Variants in LARGE1 observed in about 807,000 individuals in gnomAD.
LARGE1 encodes the protein LARGE xylosyl- and glucuronyltransferase 1.
A neutral mutation model predicts 87.6 loss-of-function variants in LARGE1; 43 were observed. The ratio of observed to expected loss-of-function variants is 0.49; its 90% CI spans 0.38 to 0.63. The LOEUF is 0.63. Ranked by LOEUF, LARGE1 falls within the 30% of genes least tolerant of loss-of-function variation. LARGE1 has a pLI of 0.00. For synonymous variants in LARGE1, 434 were observed against 394.6 expected (o/e 1.10, Z -1.18); for missense variants, 802 against 1,000.2 (o/e 0.80, Z 2.67).
intron 1 of LARGE1, among the ~76,000 whole-genome samples, chr22:33,763,843 T>C (rs1326287810): frequency 2.2e-4 from 4 of 18,346 alleles, no homozygotes; most frequent in Non-Finnish European, 3.5e-4. Context: ...GTTTGCTTTT[T>C]TTTTTTTTTT....
intron 2 of LARGE1, among the ~76,000 whole-genome samples, chr22:33,712,749 A>G (rs556427235): frequency 2.6e-5 from 4 of 151,962 alleles, no homozygotes; most frequent in African/African-American, 9.7e-5. Flanking sequence ...CTAGTCTCTA[A>G]AAAAGAAAGC....
At chr22:33,269,741 C>A (rs183568358), downstream of LARGE1, among the ~76,000 whole-genome samples, 1 of 152,238 alleles carries the variant, frequency 6.6e-6, no homozygotes, top group African/African-American at 2.4e-5. Flanking sequence ...ACCGGTGGCT[C>A]ACGCCTGTAA....
At chr22:33,387,234 C>T (rs1474041019) in intron 7 of LARGE1, among the ~76,000 whole-genome samples, 1 of 146,294 alleles carries the variant, frequency 6.8e-6, no homozygotes. Context: ...AGACCAGCCC[C>T]GCCAACATGG....
intron 6 of LARGE1, among the ~76,000 whole-genome samples, chr22:33,521,650 C>T (rs1030691049): frequency 4.6e-5 from 7 of 152,270 alleles, no homozygotes; most frequent in East Asian, 1.9e-4. Flanking sequence ...TGAAAGTAAC[C>T]GATGTAGGCA....
intron 6 of LARGE1, among the ~76,000 whole-genome samples, chr22:33,564,418 T>G (rs1174057881): frequency 5.9e-5 from 9 of 152,164 alleles, no homozygotes; most frequent in Non-Finnish European, 1.3e-4. Flanking sequence ...CTTAAAATGA[T>G]AAACCACAAC....
the LARGE1 span, among the ~76,000 whole-genome samples, chr22:33,111,572 T>C: frequency 7.9e-5 from 12 of 151,866 alleles, no homozygotes; most frequent in African/African-American, 2.9e-4. Flanking sequence ...CACTGACAAT[T>C]CCCCCCGTCC....
At chr22:33,339,530 G>A (rs1158238532) in intron 9 of LARGE1, among the ~76,000 whole-genome samples, 1 of 152,106 alleles carries the variant, frequency 6.6e-6, no homozygotes, top group Non-Finnish European at 1.5e-5. Context: ...TAATGAAGAA[G>A]ATGCAAGTCG....
At chr22:33,225,602 T>C (rs1925693381) in intron 11 of LARGE1, among the ~76,000 whole-genome samples, 1 of 152,190 alleles carries the variant, frequency 6.6e-6, no homozygotes, top group Admixed American at 6.5e-5. Flanking sequence ...GGGGTACATG[T>C]GCAGGTTTGT....
At chr22:33,514,937 G>T (rs567168526) in intron 6 of LARGE1, among the ~76,000 whole-genome samples, 1 of 152,154 alleles carries the variant, frequency 6.6e-6, no homozygotes, top group Non-Finnish European at 1.5e-5. Flanking sequence ...TGTGTGAACA[G>T]CATGAACCAG....
At chr22:33,627,389 T>C (rs755913618) in intron 3 of LARGE1, among the ~76,000 whole-genome samples, 1 of 152,208 alleles carries the variant, frequency 6.6e-6, no homozygotes, top group Admixed American at 6.5e-5. Context: ...CAGCCTTCCT[T>C]GAATGGAAAC....
chr22:33,735,510 A>C (rs1029169104), intron 2 of LARGE1, among the ~76,000 whole-genome samples: 1 of 152,120 alleles, frequency 6.6e-6, no homozygotes, highest in Non-Finnish European at 1.5e-5. Flanking sequence ...TTCCTCCCCA[A>C]CAAAGGTATC....
intron 9 of LARGE1, among the ~76,000 whole-genome samples, chr22:33,350,979 A>G (rs920306259): frequency 1.3e-5 from 2 of 152,228 alleles, no homozygotes; most frequent in Non-Finnish European, 2.9e-5. Flanking sequence ...ATTTGGGTTC[A>G]TGAGTGCTAG....
intron 11 of LARGE1, among the ~76,000 whole-genome samples, chr22:33,305,838 C>CTTTTTTT (rs200366425): frequency 7.9e-5 from 10 of 126,484 alleles, no homozygotes; most frequent in African/African-American, 1.3e-4. Flanking sequence ...ATTTCTTTTT[C>CTTTTTTT]TTTTTCTTTT....
chr22:33,459,432 G>T lies in LARGE1; in HGVS notation c.788-27167C>A, dbSNP rs138973811. Among the ~76,000 whole-genome samples, 166 of 144,754 alleles carry T rather than the reference G, an allele frequency of 1.1e-3. 1 individual carries two copies. The highest frequency in any genetic ancestry group is 4.0e-3 in the African/African-American group (153 of 37,940). The allele number at this position is 144,754 out of a possible 152,430, so 95.0% of individuals were successfully genotyped here. ...CAGTAAAGTCAAACAAAGCTCGCTCGCTCTCTCTCTTTTTTTTTTTTTTTT... is the reference window on the plus strand; with the variant it reads ...CAGTAAAGTCAAACAAAGCTCGCTCTCTCTCTCTCTTTTTTTTTTTTTTTT... On this transcript the variant is annotated intron_variant, in intron 6 of 14. Transcript: ENST00000397394.
At chr22:33,661,460 C>T (rs893047560) in intron 2 of LARGE1, among the ~76,000 whole-genome samples, 3 of 151,980 alleles carry the variant, frequency 2.0e-5, no homozygotes, top group Admixed American at 2.0e-4. Flanking sequence ...AGTGATCCAT[C>T]TGCCTCAGCC....
intron 2 of LARGE1, among the ~76,000 whole-genome samples, chr22:33,729,924 TG>T (rs1415122728): frequency 6.6e-6 from 1 of 152,206 alleles, no homozygotes; most frequent in Non-Finnish European, 1.5e-5. Context: ...GTCTCATTGT[TG>T]GGGTATGGAA....
At chr22:33,631,659 C>A (rs1278425589) in intron 3 of LARGE1, among the ~76,000 whole-genome samples, 1 of 151,948 alleles carries the variant, frequency 6.6e-6, no homozygotes, top group Admixed American at 6.6e-5. Context: ...AAGGACCTGC[C>A]TGAGGCTGTT....
chr22:33,588,821 A>G (rs894344420), intron 5 of LARGE1, among the ~76,000 whole-genome samples: 6 of 152,172 alleles, frequency 3.9e-5, no homozygotes, highest in Admixed American at 1.3e-4. Flanking sequence ...ACCCCCACAC[A>G]CAGAAGGGAG....
At chr22:33,786,423 C>G (rs914763535) in intron 1 of LARGE1, among the ~76,000 whole-genome samples, 2 of 152,212 alleles carry the variant, frequency 1.3e-5, no homozygotes, top group African/African-American at 4.8e-5. Flanking sequence ...CCCTGGAATT[C>G]CATCTCAGCC....
Sources: gnomAD v4.1 joint callset for allele counts (sites outside exome capture counted in the v4.1 genomes callset) on GRCh38, gnomAD v4.1.1 for gene constraint, MANE v1.5 for transcripts, NCBI Gene and HGNC (gene_info 2026-07-23, HGNC 2026-07-21) for gene names.